Variants in EIF3A observed in about 807,000 individuals in gnomAD.
The protein encoded by EIF3A is eukaryotic translation initiation factor 3 subunit A, also known as EIF3, p180 subunit.
Under a neutral mutation model 186.6 loss-of-function variants are expected in EIF3A, and 21 were observed. The observed-to-expected ratio is 0.11, with a 90% CI of 0.08 to 0.16. EIF3A has a LOEUF of 0.16. Among genes scored for constraint, EIF3A ranks in the 10% least tolerant of loss-of-function variants. The pLI, the probability that EIF3A is intolerant of heterozygous loss-of-function variation, is 1.00. For missense variants in EIF3A, 1,306 were observed against 1,796.3 expected, an observed-to-expected ratio of 0.73 and a Z score of 4.93; for synonymous variants, 563 against 584.3, an observed-to-expected ratio of 0.96 and a Z score of 0.52.
At chr10:119,080,441 A>G in intron 1 of EIF3A, 187 bp downstream of exon 1, 1 of 985,420 alleles carries the variant, frequency 1.0e-6, no homozygotes, top group Non-Finnish European at 1.2e-6. Context: ...CGCGCCTCCC[A>G]GACCCCAGTC....
intron 4 of EIF3A, 90 bp downstream of exon 4, chr10:119,072,800 A>G: frequency 6.9e-7 from 1 of 1,445,920 alleles, no homozygotes; most frequent in South Asian, 1.3e-5. Context: ...CAATAAGGAT[A>G]AAAACTAGTT....
chr10:119,069,029 G>A (rs1844030548), intron 6 of EIF3A, among the ~76,000 whole-genome samples: 1 of 148,656 alleles, frequency 6.7e-6, no homozygotes, highest in Non-Finnish European at 1.5e-5. Context: ...TTTTCTATTT[G>A]TTCTGAGAAT....
chr10:119,050,974 A>G (rs1430505136), intron 15 of EIF3A, among the ~76,000 whole-genome samples: 1 of 152,232 alleles, frequency 6.6e-6, no homozygotes, highest in Non-Finnish European at 1.5e-5. Flanking sequence ...ATTTCTAACA[A>G]AAACAGTAAA....
chr10:119,050,756 A>T, intron 15 of EIF3A, 82 bp from the exon 16 acceptor site: 1 of 1,456,410 alleles, frequency 6.9e-7, no homozygotes, highest in Non-Finnish European at 9.5e-7. Context: ...TAGGTTTACA[A>T]AAGACTCTCA....
intron 8 of EIF3A, 32 bp from the exon 9 acceptor site, chr10:119,060,876 C>T (rs768513367): frequency 2.8e-6 from 4 of 1,426,856 alleles, no homozygotes; most frequent in Non-Finnish European, 3.9e-6. Flanking sequence ...AAGAGAATCA[C>T]ACTTTCTACA....
chr10:119,046,303 T>C (rs1848282084), intron 17 of EIF3A, among the ~76,000 whole-genome samples: 1 of 152,216 alleles, frequency 6.6e-6, no homozygotes, highest in South Asian at 2.1e-4. Context: ...GAAAAGATGA[T>C]TTTGAACTGG....
rs1848231906 is a variant in EIF3A, at chr10:119,042,870, T to C, written c.2748-98A>G. The stretch of plus-strand genomic sequence containing the variant: ...CACATGCTTTTTAAAAACTTCAGTA[T>C]GGGCCGGAGCAGTGGCTCGCACCTT... On this transcript the variant is annotated intron_variant, in intron 18 of 21. Coordinates refer to ENST00000369144, the MANE Select transcript of EIF3A (RefSeq NM_003750.4). The surrounding 1 kb of genome is among the most constrained non-coding windows in gnomAD (Gnocchi z 7.8). 5.4e-6 allele frequency: 7 copies of C among 1,299,620 alleles called. No individual in the cohort carries two copies. Among genetic ancestry groups the C allele is most frequent in the Non-Finnish European group, 7.2e-6 (7 of 965,620 alleles). 80.5% of individuals were successfully genotyped at this position (1,299,620 alleles called of 1,614,324 possible). A position where few individuals can be genotyped will look rare whatever the true frequency, so the allele number is the denominator to read the frequency against.
intron 17 of EIF3A, among the ~76,000 whole-genome samples, chr10:119,045,801 G>A (rs925486734): frequency 5.3e-5 from 8 of 152,102 alleles, no homozygotes; most frequent in South Asian, 4.1e-4. Context: ...AGGCTCAAGC[G>A]ATCCGCTTGC....
In EIF3A at chr10:119,065,917, C is replaced by T. The variant is rs568579427; in HGVS notation, c.951-347G>A. Among the ~76,000 whole-genome samples the T allele has an allele frequency of 7.3e-5, 11 of 150,902 alleles. No individual in the cohort carries two copies. In the South Asian group the frequency reaches 2.1e-3, roughly 29 times the overall value. On this transcript the variant is annotated intron_variant, in intron 6 of 21. Coordinates refer to ENST00000369144, the MANE Select transcript of EIF3A (RefSeq NM_003750.4). ...ACATCACGACGTCAAGAGATCGAGA[C>T]CATCCTGGCTAACACGGTGAAACCC...
intron 1 of EIF3A, among the ~76,000 whole-genome samples, chr10:119,074,859 G>T (rs117825818): frequency 7.2e-6 from 1 of 138,460 alleles, no homozygotes; most frequent in Non-Finnish European, 1.5e-5. Flanking sequence ...CAGAGGTTGC[G>T]GTCAGCTGAG....
At chr10:119,051,671 G>A (rs1171652962) in intron 14 of EIF3A, among the ~76,000 whole-genome samples, 6 of 152,128 alleles carry the variant, frequency 3.9e-5, no homozygotes, top group Admixed American at 6.5e-5. Flanking sequence ...AGCAAGCAAC[G>A]CAGATTTTTT....
At chr10:119,072,784 A>T in intron 4 of EIF3A, 106 bp downstream of exon 4, 1 of 1,362,470 alleles carries the variant, frequency 7.3e-7, no homozygotes. Context: ...GTGAATGCCA[A>T]CATTTCAATA....
chr10:119,049,279 G>A (rs1022457668), intron 17 of EIF3A, among the ~76,000 whole-genome samples: 1 of 152,068 alleles, frequency 6.6e-6, no homozygotes, highest in Non-Finnish European at 1.5e-5. Context: ...GGCCAACATG[G>A]TGAAACCATA....
chr10:119,073,010 T>A lies in EIF3A; in HGVS notation c.421A>T (p.Thr141Ser). The A allele has an allele frequency of 6.2e-7, 1 of 1,614,134 alleles. No individual in the cohort carries two copies. Among genetic ancestry groups the A allele is most frequent in the Non-Finnish European group, 8.5e-7 (1 of 1,180,018 alleles). Residue 141 changes from threonine to serine, a missense_variant, in exon 4 of 22, where the codon ACT becomes TCT. By Grantham distance (58) the Thr-to-Ser change is moderately conservative. This residue lies in a region of EIF3A where 130 missense variants were observed against 259.3 expected (regional missense o/e 0.50). Coordinates refer to ENST00000369144, the MANE Select transcript of EIF3A (RefSeq NM_003750.4). Reference protein sequence around the residue: ...AVSGEDTQDRTDRLLLTPWVK... With the variant: ...AVSGEDTQDRSDRLLLTPWVK... ...CATGGAGTTAAAAGTAATCTGTCAG[T>A]ACGATCCTGAGTGTCTTCACCACTT...
At position 119,065,573 on chromosome 10, in the gene EIF3A, A is replaced by G; in HGVS notation, c.951-3T>C. The G allele has an allele frequency of 1.3e-6, 2 of 1,589,844 alleles. No individual in the cohort carries two copies. The highest frequency in any genetic ancestry group is 1.7e-6 in the Non-Finnish European group (2 of 1,164,888). On this transcript the variant is annotated splice_region_variant and splice_polypyrimidine_tract_variant and intron_variant, in intron 6 of 21. Transcript: ENST00000369144. ...CTAAAAGGACTCTAGTAGACATTCT[A>G]TGGAGAACAAAGTTTTAAATCTGTT...
Position 119,037,303 on chromosome 10 carries a change from T to C in EIF3A, c.3735A>G (p.Glu1245=). ...REDRFRRPRD[E]GGWRRGPAEE... is the part of the protein sequence containing the mutation. ...CAGCTGGTCCTCTTCTCCAGCCACC[T>C]TCATCCCTGTAGCCATTTACAATGA... The change falls in exon 21 of 22, where the codon GAA becomes GAG. Residue 1245 remains glutamate (E), a synonymous_variant. Transcript: ENST00000369144. 4.3e-6 allele frequency: 7 copies of C among 1,614,006 alleles called. No individual in the cohort carries two copies. The highest frequency in any genetic ancestry group is 5.9e-6 in the Non-Finnish European group (7 of 1,179,912).
chr10:119,063,101 C>G (rs1843917173), intron 7 of EIF3A, among the ~76,000 whole-genome samples: 2 of 152,166 alleles, frequency 1.3e-5, no homozygotes, highest in Admixed American at 6.5e-5. Flanking sequence ...CAGTGTGGCA[C>G]GTTTCTTCAG....
At chr10:119,038,721 C>T (rs543952903) in intron 19 of EIF3A, among the ~76,000 whole-genome samples, 141 of 152,182 alleles carry the variant, frequency 9.3e-4, no homozygotes, top group Non-Finnish European at 1.8e-3. Flanking sequence ...GTCAGGAATT[C>T]GAGACCAGCC....
chr10:119,040,508 A>G (rs1305885675), intron 19 of EIF3A, among the ~76,000 whole-genome samples: 1 of 152,222 alleles, frequency 6.6e-6, no homozygotes, highest in Non-Finnish European at 1.5e-5. Flanking sequence ...GACATTCAGT[A>G]AGACTACCAA....
Sources: allele counts gnomAD v4.1 joint callset (sites outside exome capture counted in the v4.1 genomes callset), GRCh38; gene constraint gnomAD v4.1.1; regional missense constraint gnomAD v4.1.1; non-coding constraint Gnocchi (gnomAD v3.1); transcripts MANE v1.5; gene names NCBI Gene and HGNC (gene_info 2026-07-23, HGNC 2026-07-21).